CTNND2: variants seen among roughly 807,000 people sequenced by gnomAD.
CTNND2 encodes catenin delta 2.
A neutral mutation model predicts 144.4 loss-of-function variants in CTNND2; 22 were observed. That is an observed-to-expected ratio of 0.15 (90% CI 0.11 to 0.22). The LOEUF (loss-of-function observed/expected upper bound fraction) is 0.22, where lower values mean the gene tolerates loss of function less well. Ranked by LOEUF, CTNND2 falls within the 10% of genes least tolerant of loss-of-function variation. CTNND2 has a pLI of 1.00. For missense variants in CTNND2, 1,353 were observed against 1,618.8 expected, an observed-to-expected ratio of 0.84 and a Z score of 2.82; for synonymous variants, 751 against 695.6, an observed-to-expected ratio of 1.08 and a Z score of -1.25.
chr5:11,320,736 C>T (rs768295994), intron 9 of CTNND2, among the ~76,000 whole-genome samples: 1 of 152,096 alleles, frequency 6.6e-6, no homozygotes, highest in Non-Finnish European at 1.5e-5. Flanking sequence ...GACCCGCCCC[C>T]ATGATTCAAT....
At chr5:11,348,289 T>TA in intron 8 of CTNND2, among the ~76,000 whole-genome samples, 1 of 152,214 alleles carries the variant, frequency 6.6e-6, no homozygotes, top group East Asian at 1.9e-4. Context: ...ATCCACATTT[T>TA]AAAATTTATG....
intron 12 of CTNND2, among the ~76,000 whole-genome samples, chr5:11,123,934 C>T (rs1754395050): frequency 6.6e-6 from 1 of 152,208 alleles, no homozygotes; most frequent in Non-Finnish European, 1.5e-5. Flanking sequence ...CCACACACAC[C>T]AGTTATGGCC....
chr5:11,672,237 T>A (rs1783910316), intron 2 of CTNND2, among the ~76,000 whole-genome samples: 1 of 152,192 alleles, frequency 6.6e-6, no homozygotes, highest in Admixed American at 6.5e-5. Flanking sequence ...GGGAGGTGTC[T>A]CCCAGTCAGG....
At chr5:11,753,920 T>C (rs1476031081) in intron 1 of CTNND2, among the ~76,000 whole-genome samples, 1 of 151,660 alleles carries the variant, frequency 6.6e-6, no homozygotes, top group Non-Finnish European at 1.5e-5. Context: ...TTTCCAGGAA[T>C]TTATCAATTT....
At chr5:11,766,654 C>T (rs1789605815) in intron 1 of CTNND2, among the ~76,000 whole-genome samples, 1 of 152,124 alleles carries the variant, frequency 6.6e-6, no homozygotes, top group African/African-American at 2.4e-5. Context: ...TGAAAACTAA[C>T]TAATATAGGT....
At chr5:11,563,937 C>G (rs1776869959) in intron 3 of CTNND2, among the ~76,000 whole-genome samples, 1 of 152,188 alleles carries the variant, frequency 6.6e-6, no homozygotes, top group South Asian at 2.1e-4. Context: ...TGCAGAGTGG[C>G]TGCTGACCCC....
intron 2 of CTNND2, among the ~76,000 whole-genome samples, chr5:11,672,718 G>C (rs374341054): frequency 1.3e-5 from 2 of 152,210 alleles, no homozygotes; most frequent in East Asian, 3.9e-4. Context: ...GCTCCATAGG[G>C]GTGGGACCCA....
intron 14 of CTNND2, 147 bp downstream of exon 14, chr5:11,110,711 G>T: frequency 1.3e-6 from 1 of 751,258 alleles, no homozygotes. Context: ...TCTCAGCTGT[G>T]AAATTCCCAC....
intron 18 of CTNND2, among the ~76,000 whole-genome samples, chr5:10,996,068 G>C (rs1579986014): frequency 1.3e-5 from 2 of 152,242 alleles, no homozygotes; most frequent in South Asian, 4.1e-4. Flanking sequence ...AGTGGCCGGG[G>C]TGCCGGACAG....
rs1023052869 is a variant in CTNND2, at chr5:10,978,499, G to A, written c.3417+3274C>T. Among the ~76,000 whole-genome samples the A allele has an allele frequency of 5.1e-5, 7 of 136,296 alleles. No individual in the cohort carries two copies. The South Asian group carries it at 1.5e-3, about 29-fold the overall frequency. 89.4% of individuals were successfully genotyped at this position (136,296 alleles called of 152,430 possible). On this transcript the variant is annotated intron_variant, in intron 21 of 21. Coordinates refer to ENST00000304623, the MANE Select transcript of CTNND2 (RefSeq NM_001332.4). ...GATCTCCTTGGAAATACTTTTTGGG[G>A]AGGGGGGGGAACCCTCTCTTTGGTG... is the stretch of plus-strand genomic sequence containing the variant.
At chr5:11,858,380 A>G (rs1183187235) in intron 1 of CTNND2, among the ~76,000 whole-genome samples, 2 of 152,226 alleles carry the variant, frequency 1.3e-5, no homozygotes, top group African/African-American at 4.8e-5. Flanking sequence ...GTGGAAGGTC[A>G]GATGACAGAA....
chr5:11,389,282 G>A (rs1371353014), intron 6 of CTNND2, among the ~76,000 whole-genome samples: 1 of 152,204 alleles, frequency 6.6e-6, no homozygotes, highest in African/African-American at 2.4e-5. Flanking sequence ...CCCCATCAAG[G>A]AGATGTTCTG....
chr5:11,112,400 T>A (rs1000864673), intron 13 of CTNND2, among the ~76,000 whole-genome samples: 1 of 152,132 alleles, frequency 6.6e-6, no homozygotes, highest in Non-Finnish European at 1.5e-5. Flanking sequence ...AGCCGAGGTA[T>A]GTGGGCAGGG....
At chr5:11,159,194 A>G (rs1303001103) in intron 12 of CTNND2, among the ~76,000 whole-genome samples, 1 of 152,188 alleles carries the variant, frequency 6.6e-6, no homozygotes, top group Non-Finnish European at 1.5e-5. Context: ...ATCCCTATGT[A>G]TCTGTTATGA....
chr5:11,439,683 G>C (rs1561395881), intron 3 of CTNND2, among the ~76,000 whole-genome samples: 1 of 151,868 alleles, frequency 6.6e-6, no homozygotes, highest in African/African-American at 2.4e-5. Flanking sequence ...CAAAACTATG[G>C]TTTTGGCCCA....
chr5:10,995,906 A>G (rs1410324419), intron 18 of CTNND2, among the ~76,000 whole-genome samples: 1 of 152,158 alleles, frequency 6.6e-6, no homozygotes, highest in Non-Finnish European at 1.5e-5. Context: ...TTCTTATGGA[A>G]AATGAGAAGA....
chr5:11,804,608 C>A (rs1044158855), intron 1 of CTNND2, among the ~76,000 whole-genome samples: 1 of 152,066 alleles, frequency 6.6e-6, no homozygotes, highest in Non-Finnish European at 1.5e-5. Context: ...AGGGTACATA[C>A]CGAATGATTC....
At chr5:11,207,952 G>A (rs1393539827) in intron 10 of CTNND2, among the ~76,000 whole-genome samples, 1 of 151,984 alleles carries the variant, frequency 6.6e-6, no homozygotes, top group African/African-American at 2.4e-5. Context: ...CAAGATTGAT[G>A]AAAAAACCTT....
chr5:11,341,726 T>G (rs1414046211), intron 9 of CTNND2, among the ~76,000 whole-genome samples: 1 of 152,228 alleles, frequency 6.6e-6, no homozygotes, highest in Non-Finnish European at 1.5e-5. Context: ...AGCATTTTTA[T>G]GCCAGGCACT....
Sources: allele counts gnomAD v4.1 joint callset (sites outside exome capture counted in the v4.1 genomes callset), GRCh38; gene constraint gnomAD v4.1.1; transcripts MANE v1.5; gene names NCBI Gene and HGNC (gene_info 2026-07-23, HGNC 2026-07-21).